Variants in CCDC66 observed in about 807,000 individuals in gnomAD.
CCDC66 encodes coiled-coil domain-containing protein 66.
A neutral mutation model predicts 128.3 loss-of-function variants in CCDC66; 133 were observed. The ratio of observed to expected loss-of-function variants is 1.04; its 90% CI spans 0.90 to 1.20. The LOEUF is 1.20. Ranked by LOEUF, CCDC66 falls within the 50% of genes most tolerant of loss-of-function variation. The probability of loss-of-function intolerance (pLI) is 0.00; values close to 1 mark genes in which losing one functional copy is unlikely to be tolerated. For synonymous variants in CCDC66, 387 were observed against 357.0 expected, an observed-to-expected ratio of 1.08 and a Z score of -0.95; for missense variants, 1,126 against 1,075.5, an observed-to-expected ratio of 1.05 and a Z score of -0.66.
Position 56,566,701 on chromosome 3 carries a change from A to G in CCDC66, c.652A>G (p.Lys218Glu), listed in dbSNP as rs1042342779. ...EMVSSVPAEN[K>E]SVLNEHQETS... Reference sequence around the variant, plus strand: ...GGTTTCATCTGTCCCAGCTGAAAATAAATCTGTCTTAAATGAACATCAGGA... The same window carrying G: ...GGTTTCATCTGTCCCAGCTGAAAATGAATCTGTCTTAAATGAACATCAGGA... Residue 218 changes from lysine (K) to glutamate (E), a missense_variant, in exon 5 of 18, where the codon AAA (lysine) becomes GAA (glutamate). Coordinates refer to ENST00000394672, the MANE Select transcript of CCDC66 (RefSeq NM_001141947.3). 22 of 1,613,842 alleles carry G rather than the reference A, an allele frequency of 1.4e-5. No homozygotes were observed. The highest frequency in any genetic ancestry group is 1.9e-5 in the Non-Finnish European group (22 of 1,179,898).
At chr3:56,567,911 T>C (rs4974221) in intron 6 of CCDC66, among the ~76,000 whole-genome samples, 125,612 of 151,678 alleles carry the variant, frequency 0.83, 52,586 homozygotes, top group Non-Finnish European at 0.9. Context: ...AGGATGGTCT[T>C]GATCTCCTGA....
intron 6 of CCDC66, among the ~76,000 whole-genome samples, chr3:56,568,591 A>G (rs560694497): frequency 1.3e-5 from 2 of 152,344 alleles, no homozygotes; most frequent in African/African-American, 4.8e-5. Flanking sequence ...GTAAGGTCAA[A>G]GATTTGTAAA....
At chr3:56,619,672 T>C in intron 16 of CCDC66, 105 bp from the exon 17 acceptor site, 1 of 1,489,226 alleles carries the variant, frequency 6.7e-7, no homozygotes, top group Non-Finnish European at 9.0e-7. Flanking sequence ...AGTACTTTCC[T>C]AGGATACATA....
rs184619466 is a variant in CCDC66 at position 56,587,534 on chromosome 3, G to A, written c.937-5436G>A. 1.0e-3 allele frequency among the ~76,000 whole-genome samples: 154 copies of A among 152,238 alleles called. 1 individual carries two copies. Among genetic ancestry groups the A allele is most frequent in the Middle Eastern group, 3.4e-3 (1 of 294 alleles). ...CAGGGAGGGCTACACACTTTTAAAC[G>A]ACCAGATCTTACCATGAAAAACAAT... On this transcript the variant is annotated intron_variant, in intron 7 of 17. Coordinates refer to ENST00000394672, the MANE Select transcript of CCDC66 (RefSeq NM_001141947.3).
intron 10 of CCDC66, among the ~76,000 whole-genome samples, chr3:56,604,121 TTTGA>T (rs1243684132): frequency 2.6e-5 from 4 of 152,152 alleles, no homozygotes; most frequent in South Asian, 2.1e-4. Flanking sequence ...TTTCTCTCCG[TTTGA>T]TTGGTAAATA....
intron 10 of CCDC66, among the ~76,000 whole-genome samples, chr3:56,594,666 G>C (rs2071549510): frequency 1.3e-5 from 2 of 150,254 alleles, no homozygotes; most frequent in East Asian, 3.9e-4. Context: ...CTGGGCGACA[G>C]AGTGAGACTC....
Position 56,621,591 on chromosome 3 carries a change from A to G in CCDC66, c.2820A>G (p.Gln940=), listed in dbSNP as rs771808329. ...ESSLLPLAEN[Q]EESFGSSF is the part of the protein sequence containing the mutation. ...GTCTCCTGCCTTTAGCTGAAAATCA[A>G]GAAGAGAGTTTTGGTTCTTCATTTT... Residue 940 remains glutamine, a synonymous_variant, in exon 18 of 18, where the codon CAA becomes CAG. Coordinates refer to ENST00000394672, the MANE Select transcript of CCDC66 (RefSeq NM_001141947.3). 7.2e-5 allele frequency: 115 copies of G among 1,600,160 alleles called. No homozygotes were observed. The highest frequency in any genetic ancestry group is 4.2e-4 in the Admixed American group (24 of 57,302).
At chr3:56,587,730 G>A (rs554289296) in intron 7 of CCDC66, among the ~76,000 whole-genome samples, 14 of 152,234 alleles carry the variant, frequency 9.2e-5, no homozygotes, top group South Asian at 6.2e-4. Context: ...TTAGCCAGGC[G>A]TGGTAGCAGG....
At position 56,578,997 on chromosome 3, in the gene CCDC66, C is replaced by T. The variant is rs2067865468; in HGVS notation, c.936+7695C>T. On this transcript the variant is annotated intron_variant, in intron 7 of 17. Coordinates refer to ENST00000394672, the MANE Select transcript of CCDC66 (RefSeq NM_001141947.3). ...TTCAGAAGGAATGGTACCAGCTCCT[C>T]TTTATACCTCTGGTCGAATTTGGCT... Among the ~76,000 whole-genome samples the T allele has an allele frequency of 2.0e-5, 3 of 151,846 alleles. No individual in the cohort carries two copies. The South Asian group carries it at 6.2e-4, about 32-fold the overall frequency.
At chr3:56,576,273 T>C (rs2067353763) in intron 7 of CCDC66, among the ~76,000 whole-genome samples, 1 of 151,270 alleles carries the variant, frequency 6.6e-6, no homozygotes, top group South Asian at 2.1e-4. Flanking sequence ...TTTTTAATTT[T>C]TTAAATTTTT....
intron 7 of CCDC66, among the ~76,000 whole-genome samples, chr3:56,574,481 C>G (rs1368900364): frequency 6.6e-6 from 1 of 151,604 alleles, no homozygotes; most frequent in East Asian, 2.0e-4. Flanking sequence ...TCTCAAATAC[C>G]TTAGAGCAGT....
intron 17 of CCDC66, 92 bp from the exon 18 acceptor site, chr3:56,621,439 AT>A: frequency 1.2e-6 from 1 of 865,800 alleles, no homozygotes; most frequent in Admixed American, 2.7e-5. Context: ...CCTAAGCGAT[AT>A]GTTTTCCAAG....
At chr3:56,558,318 T>C (rs1205988007) in intron 1 of CCDC66, among the ~76,000 whole-genome samples, 1 of 152,234 alleles carries the variant, frequency 6.6e-6, no homozygotes, top group Non-Finnish European at 1.5e-5. Context: ...CCTTTGCTTC[T>C]GATATGCACG....
chr3:56,582,511 A>G lies in CCDC66; in HGVS notation c.937-10459A>G, dbSNP rs985566184. Among the ~76,000 whole-genome samples, 25 of 151,872 alleles carry G rather than the reference A, an allele frequency of 1.6e-4. 2 individuals are homozygous for G. Among genetic ancestry groups the G allele is most frequent in the Admixed American group, 8.6e-4 (13 of 15,132 alleles). ...GAAGCTGCAGACTGGAGCTGTTGCT[A>G]TTTGGCCATCTTGGAACCTCCTCCG... On this transcript the variant is annotated intron_variant, in intron 7 of 17. Transcript: ENST00000394672.
chr3:56,602,348 G>A (rs1030245723), intron 10 of CCDC66, among the ~76,000 whole-genome samples: 2 of 152,134 alleles, frequency 1.3e-5, no homozygotes, highest in African/African-American at 2.4e-5. Flanking sequence ...TAAGCTTTTT[G>A]ATGTGCTGCT....
At position 56,613,696 on chromosome 3, in the gene CCDC66, T is replaced by C. The variant is rs150916681; in HGVS notation, c.1512T>C (p.Arg504=). 1.1e-3 allele frequency: 1,767 copies of C among 1,613,972 alleles called. 1 individual carries two copies. The highest frequency in any genetic ancestry group is 1.4e-3 in the Non-Finnish European group (1,663 of 1,179,930). Residue 504 remains arginine, a synonymous_variant, in exon 11 of 18, where the codon CGT becomes CGC. Coordinates refer to ENST00000394672, the MANE Select transcript of CCDC66 (RefSeq NM_001141947.3). The part of the protein sequence containing the change: ...QEEELRLAQE[R]EEMQKQYEED... ...AGGAGCTTCGCTTAGCACAGGAACG[T>C]GAAGAGATGCAGAAACAGTATGAAG...
At chr3:56,583,452 C>CGCAGTG (rs1239770867) in intron 7 of CCDC66, among the ~76,000 whole-genome samples, 3 of 151,942 alleles carry the variant, frequency 2.0e-5, no homozygotes, top group Non-Finnish European at 2.9e-5. Context: ...TGCGGCCTTC[C>CGCAGTG]GCAGTGTTTG....
Position 56,563,676 on chromosome 3 carries a change from T to A in CCDC66, c.103-8T>A. ...GTTATAAAGAATAAGCTTCTGGTGT[T>A]TTAACAGATGGGAAATAAGGCCAAG... On this transcript the variant is annotated splice_region_variant and splice_polypyrimidine_tract_variant and intron_variant, in intron 3 of 17. Transcript: ENST00000394672. 6.5e-7 allele frequency: 1 copy of A among 1,541,716 alleles called. No homozygotes were observed. Among genetic ancestry groups the A allele is most frequent in the Non-Finnish European group, 8.8e-7 (1 of 1,142,742 alleles).
At chr3:56,593,764 A>G in intron 9 of CCDC66, 23 bp downstream of exon 9, 1 of 1,603,670 alleles carries the variant, frequency 6.2e-7, no homozygotes, top group Non-Finnish European at 8.5e-7. Flanking sequence ...TTATGTATTT[A>G]TTGACTTTTC....
Sources: gnomAD v4.1 joint callset for allele counts (sites outside exome capture counted in the v4.1 genomes callset) on GRCh38, gnomAD v4.1.1 for gene constraint, MANE v1.5 for transcripts, NCBI Gene and HGNC (gene_info 2026-07-23, HGNC 2026-07-21) for gene names.